The following ELMO1 variants were observed in gnomAD, a reference collection of about 807,000 sequenced individuals.
ELMO1 encodes engulfment and cell motility 1.
In ELMO1, 26 loss-of-function variants were observed where a neutral mutation model predicts 98.9. The ratio of observed to expected loss-of-function variants is 0.26; its 90% CI spans 0.19 to 0.36. The LOEUF (loss-of-function observed/expected upper bound fraction) is 0.36. Ranked by LOEUF, ELMO1 falls within the 10% of genes least tolerant of loss-of-function variation. The pLI is 1.00. For synonymous variants in ELMO1, 346 were observed against 346.0 expected, an observed-to-expected ratio of 1.00 and a Z score of 0.00; for missense variants, 627 against 935.2, an observed-to-expected ratio of 0.67 and a Z score of 4.30.
At chr7:37,311,583 G>A (rs990352077) in intron 4 of ELMO1, among the ~76,000 whole-genome samples, 1 of 152,126 alleles carries the variant, frequency 6.6e-6, no homozygotes, top group African/African-American at 2.4e-5. Flanking sequence ...CAAGGAACTA[G>A]ATGGACAAAG....
chr7:37,210,276 G>C (rs1198469279), intron 13 of ELMO1, among the ~76,000 whole-genome samples: 1 of 152,130 alleles, frequency 6.6e-6, no homozygotes, highest in Non-Finnish European at 1.5e-5. Flanking sequence ...TAGACTTATG[G>C]TAATTTCAAA....
At chr7:36,966,780 T>C (rs1028803257) in intron 16 of ELMO1, among the ~76,000 whole-genome samples, 3 of 152,228 alleles carry the variant, frequency 2.0e-5, no homozygotes, top group African/African-American at 7.2e-5. Flanking sequence ...CAAATTGTTC[T>C]TCAGAAAGGA....
intron 8 of ELMO1, among the ~76,000 whole-genome samples, chr7:37,229,678 T>G (rs1358715743): frequency 6.6e-6 from 1 of 152,196 alleles, no homozygotes; most frequent in Admixed American, 6.5e-5. Context: ...AGTGCTGAAT[T>G]TGGTCCAGCT....
chr7:37,095,600 G>A (rs943880513), intron 15 of ELMO1, among the ~76,000 whole-genome samples: 2 of 152,118 alleles, frequency 1.3e-5, no homozygotes, highest in African/African-American at 4.8e-5. Flanking sequence ...TTTTCCACTT[G>A]GCCAACCAGG....
chr7:37,098,105 T>TA (rs1784456401), intron 14 of ELMO1, among the ~76,000 whole-genome samples: 1 of 152,210 alleles, frequency 6.6e-6, no homozygotes, highest in Admixed American at 6.5e-5. Flanking sequence ...GGGACTTCCT[T>TA]AATAGCTACA....
In ELMO1 at chr7:36,925,654, T is replaced by C. The variant is rs115097264; in HGVS notation, c.1438-30637A>G. Among the ~76,000 whole-genome samples, 407 of 152,254 alleles carry C rather than the reference T, an allele frequency of 2.7e-3. 1 individual carries two copies. The highest frequency in any genetic ancestry group is 9.2e-3 in the African/African-American group (384 of 41,556). On this transcript the variant is annotated intron_variant, in intron 16 of 21. Coordinates refer to ENST00000310758, the MANE Select transcript of ELMO1 (RefSeq NM_014800.11). ...TTTCTTTTCACTTTGCCCCGACCCC[T>C]CCAATTCTAATTACAAAGACAGGCT...
intron 14 of ELMO1, among the ~76,000 whole-genome samples, chr7:37,109,671 CT>C (rs927926948): frequency 3.9e-5 from 6 of 152,220 alleles, no homozygotes; most frequent in Middle Eastern, 3.4e-3. Context: ...ATGACGCCCC[CT>C]AATAGGATTT....
Position 37,225,086 on chromosome 7 carries a change from G to A in ELMO1, c.550-56C>T, listed in dbSNP as rs976427790. The A allele has an allele frequency of 8.7e-6, 14 of 1,600,342 alleles. No homozygotes were observed. In the African/African-American group the frequency reaches 1.7e-4, roughly 20 times the overall value. ...CTCGTGGTAAGTAGAGCAGAGACGTGGAGAAGGGAACAAATGAATCAAATC... is the reference window on the plus strand; with the variant it reads ...CTCGTGGTAAGTAGAGCAGAGACGTAGAGAAGGGAACAAATGAATCAAATC... On this transcript the variant is annotated intron_variant, in intron 8 of 21. Transcript: ENST00000310758.
At chr7:36,894,219 A>G (rs904126706) in intron 17 of ELMO1, among the ~76,000 whole-genome samples, 2 of 152,218 alleles carry the variant, frequency 1.3e-5, no homozygotes, top group Admixed American at 1.3e-4. Context: ...AGAACACTTC[A>G]AAGATTGGAA....
At chr7:37,439,303 T>C (rs1023645116) in intron 1 of ELMO1, among the ~76,000 whole-genome samples, 1 of 152,258 alleles carries the variant, frequency 6.6e-6, no homozygotes, top group Non-Finnish European at 1.5e-5. Context: ...CAGACTGTCC[T>C]CCATCACCCT....
chr7:36,986,343 G>A (rs1791506065), intron 16 of ELMO1: 2 of 854,808 alleles, frequency 2.3e-6, no homozygotes, highest in Non-Finnish European at 2.8e-6. Context: ...TAATAACTTC[G>A]TTTCTATTTT....
chr7:36,953,839 TTGTG>T (rs10522376), intron 16 of ELMO1, among the ~76,000 whole-genome samples: 12,157 of 135,450 alleles, frequency 0.09, 578 homozygotes, highest in Non-Finnish European at 0.11. Flanking sequence ...TGGGTATGTT[TTGTG>T]TGTGTGTGTG....
rs115513933 is a variant in ELMO1 at position 37,209,711 on chromosome 7, C to T, written c.1086+1675G>A. Among the ~76,000 whole-genome samples, 1,053 of 152,242 alleles carry T rather than the reference C, an allele frequency of 6.9e-3. 12 individuals carry two copies. The highest frequency in any genetic ancestry group is 0.025 in the African/African-American group (1,020 of 41,542). On this transcript the variant is annotated intron_variant, in intron 13 of 21. Transcript: ENST00000310758. ...ATTGAGGGTGAGGTAGAAAGTGAGT[C>T]CCATCCGCCTTCCCTGGACCATCGC...
chr7:37,146,338 T>C (rs1206565183), intron 13 of ELMO1, among the ~76,000 whole-genome samples: 2 of 152,188 alleles, frequency 1.3e-5, no homozygotes, highest in African/African-American at 2.4e-5. Flanking sequence ...CGATGGCTTC[T>C]GGACCATACT....
At chr7:37,137,605 T>C (rs930789703) in intron 13 of ELMO1, among the ~76,000 whole-genome samples, 1 of 151,970 alleles carries the variant, frequency 6.6e-6, no homozygotes, top group Non-Finnish European at 1.5e-5. Context: ...TGGTGCAATC[T>C]CGCTCACTGC....
At chr7:36,873,328 G>A (rs1165843194) in intron 19 of ELMO1, among the ~76,000 whole-genome samples, 1 of 152,140 alleles carries the variant, frequency 6.6e-6, no homozygotes. Context: ...GGCTGCAGGG[G>A]GCTCTTGATG....
At chr7:36,988,211 A>G (rs1487001081) in intron 16 of ELMO1, among the ~76,000 whole-genome samples, 1 of 152,172 alleles carries the variant, frequency 6.6e-6, no homozygotes, top group Non-Finnish European at 1.5e-5. Flanking sequence ...CTGCCCAGAC[A>G]ACATTCACCC....
At position 37,087,288 on chromosome 7, in the gene ELMO1, G is replaced by A. The variant is rs551383759; in HGVS notation, c.1300+9331C>T. ...TCTATCGATGAACTCTACCTCTAAT[G>A]TGTTTGTAAGTTTTCCAGATCAAGG... On this transcript the variant is annotated intron_variant, in intron 15 of 21. Coordinates refer to ENST00000310758, the MANE Select transcript of ELMO1 (RefSeq NM_014800.11). Among the ~76,000 whole-genome samples, 4 of 152,236 alleles carry A rather than the reference G, an allele frequency of 2.6e-5. 1 individual carries two copies. The East Asian group carries it at 5.8e-4, about 22-fold the overall frequency.
intron 16 of ELMO1, among the ~76,000 whole-genome samples, chr7:36,956,403 AAAAT>A (rs1437963288): frequency 6.6e-6 from 1 of 152,172 alleles, no homozygotes; most frequent in African/African-American, 2.4e-5. Context: ...TTTTTGAAAT[AAAAT>A]AATTAAGTCA....
Sources: allele counts gnomAD v4.1 joint callset (sites outside exome capture counted in the v4.1 genomes callset), GRCh38; gene constraint gnomAD v4.1.1; transcripts MANE v1.5; gene names NCBI Gene and HGNC (gene_info 2026-07-23, HGNC 2026-07-21).